Variants in VPS13A observed in about 807,000 individuals in gnomAD.
VPS13A encodes vacuolar protein sorting 13 homolog A.
A neutral mutation model predicts 390.9 loss-of-function variants in VPS13A; 264 were observed. The observed-to-expected ratio is 0.68, with a 90% confidence interval of 0.61 to 0.75. The LOEUF (loss-of-function observed/expected upper bound fraction) is 0.75, where lower values mean the gene tolerates loss of function less well. Among genes scored for constraint, VPS13A ranks in the 30% least tolerant of loss-of-function variants. VPS13A has a pLI of 0.00. For missense variants in VPS13A, 3,409 were observed against 3,733.9 expected, an observed-to-expected ratio of 0.91 and a Z score of 2.27; for synonymous variants, 1,231 against 1,227.1, an observed-to-expected ratio of 1.00 and a Z score of -0.07.
chr9:77,334,926 C>T (rs535309805), intron 46 of VPS13A, among the ~76,000 whole-genome samples: 1 of 152,170 alleles, frequency 6.6e-6, no homozygotes, highest in African/African-American at 2.4e-5. Context: ...TTTCACAGTC[C>T]AGGGTGCCAG....
intron 54 of VPS13A, 53 bp from the exon 55 acceptor site, chr9:77,356,661 T>C: frequency 6.5e-7 from 1 of 1,534,610 alleles, no homozygotes. Context: ...CCAGTTAAAA[T>C]AAATGTTAAT....
At chr9:77,412,882 AT>A (rs1587739131) in intron 71 of VPS13A, among the ~76,000 whole-genome samples, 1 of 152,230 alleles carries the variant, frequency 6.6e-6, no homozygotes, top group East Asian at 1.9e-4. Flanking sequence ...CCTTAAGCTG[AT>A]AGGCAACTTC....
chr9:77,355,731 A>G (rs1424534506), intron 54 of VPS13A, among the ~76,000 whole-genome samples: 1 of 152,176 alleles, frequency 6.6e-6, no homozygotes, highest in African/African-American at 2.4e-5. Context: ...TGCAGCCCAA[A>G]AATATTGAAA....
At chr9:77,370,030 C>T (rs1246498705) in intron 63 of VPS13A, among the ~76,000 whole-genome samples, 2 of 152,118 alleles carry the variant, frequency 1.3e-5, no homozygotes, top group Admixed American at 1.3e-4. Context: ...GGTGAGTTGC[C>T]GTACTCCTTT....
At chr9:77,261,244 A>G (rs540172145) in intron 23 of VPS13A, among the ~76,000 whole-genome samples, 1 of 152,074 alleles carries the variant, frequency 6.6e-6, no homozygotes, top group East Asian at 1.9e-4. Flanking sequence ...TATACACACT[A>G]TTCTGAATCT....
chr9:77,218,786 A>G (rs1055300150), intron 10 of VPS13A, among the ~76,000 whole-genome samples: 5 of 151,970 alleles, frequency 3.3e-5, no homozygotes, highest in Admixed American at 6.6e-5. Flanking sequence ...CTCACTGGCT[A>G]TACAAAAATA....
chr9:77,408,444 G>A (rs1438118518), intron 71 of VPS13A, among the ~76,000 whole-genome samples: 1 of 152,242 alleles, frequency 6.6e-6, no homozygotes, highest in Non-Finnish European at 1.5e-5. Context: ...GAAAGTGGGT[G>A]CAGGACAGTG....
intron 1 of VPS13A, among the ~76,000 whole-genome samples, chr9:77,178,886 A>G (rs950889845): frequency 2.0e-5 from 3 of 152,204 alleles, no homozygotes; most frequent in East Asian, 1.9e-4. Flanking sequence ...CTTCTAAAAT[A>G]CTTACCTTGA....
At chr9:77,177,954 A>T (rs1823744714) in intron 1 of VPS13A, 150 bp downstream of exon 1, 1 of 653,046 alleles carries the variant, frequency 1.5e-6, no homozygotes, top group African/African-American at 1.8e-5. Context: ...AAGTTACGTA[A>T]AGCCGGGCGG....
intron 13 of VPS13A, among the ~76,000 whole-genome samples, chr9:77,224,395 A>G (rs1435991532): frequency 6.6e-6 from 1 of 152,228 alleles, no homozygotes; most frequent in Non-Finnish European, 1.5e-5. Context: ...CCCTCTGGAA[A>G]GGATTTGCCA....
intron 22 of VPS13A, among the ~76,000 whole-genome samples, 194 bp from the exon 23 acceptor site, chr9:77,259,892 A>G (rs1284051450): frequency 2.0e-5 from 3 of 152,320 alleles, no homozygotes; most frequent in African/African-American, 7.2e-5. Context: ...AAATAAGAAC[A>G]TAAACCTCTG....
At chr9:77,184,405 G>T (rs1215457246) in intron 1 of VPS13A, among the ~76,000 whole-genome samples, 1 of 152,142 alleles carries the variant, frequency 6.6e-6, no homozygotes, top group East Asian at 1.9e-4. Context: ...GATCAGTTGA[G>T]GCCAGGAGTT....
At chr9:77,370,868 T>G in intron 65 of VPS13A, 22 bp from the exon 66 acceptor site, 1 of 1,612,322 alleles carries the variant, frequency 6.2e-7, no homozygotes. Context: ...ATTGTAAATT[T>G]TCAGTTGTGT....
intron 19 of VPS13A, among the ~76,000 whole-genome samples, chr9:77,246,260 G>T (rs1011033414): frequency 6.6e-6 from 1 of 152,068 alleles, no homozygotes. Flanking sequence ...TTTTCTTTCT[G>T]TTGGCTTGTA....
chr9:77,245,801 G>A (rs1009226727), intron 19 of VPS13A, among the ~76,000 whole-genome samples: 14 of 152,176 alleles, frequency 9.2e-5, no homozygotes, highest in Non-Finnish European at 4.4e-5. Context: ...ACTACTGGAG[G>A]CAGCGTAATT....
At position 77,412,798 on chromosome 9, in the gene VPS13A, A is replaced by G. The variant is rs372127288; in HGVS notation, c.9475-3158A>G. Among the ~76,000 whole-genome samples the G allele has an allele frequency of 1.8e-3, 276 of 150,800 alleles. 2 individuals are homozygous for G. The highest frequency in any genetic ancestry group is 6.8e-3 in the East Asian group (35 of 5,156). On this transcript the variant is annotated intron_variant, in intron 71 of 71. Coordinates refer to ENST00000360280, the MANE Select transcript of VPS13A (RefSeq NM_033305.3). ...AAAGGGTATTCAATTAGGAAAAGAG[A>G]AAGTCAAATTGTCCCTGTTTGCAGA...
rs1051129709 is a variant in VPS13A at position 77,238,525 on chromosome 9, T to G, written c.1900+139T>G. 5 of 741,354 alleles carry G rather than the reference T, an allele frequency of 6.7e-6. No homozygotes were observed. The African/African-American group carries it at 8.8e-5, about 13-fold the overall frequency. 45.9% of individuals were successfully genotyped at this position (741,354 alleles called of 1,614,324 possible). On this transcript the variant is annotated intron_variant, in intron 19 of 71. Coordinates refer to ENST00000360280, the MANE Select transcript of VPS13A (RefSeq NM_033305.3). ...GGTTTTAGTTTAACAGAAACTAATT[T>G]AGTACTTTTATGTTTAAAGGCAGAT...
At chr9:77,323,778 A>G (rs527571496) in intron 45 of VPS13A, among the ~76,000 whole-genome samples, 1 of 152,324 alleles carries the variant, frequency 6.6e-6, no homozygotes, top group South Asian at 2.1e-4. Flanking sequence ...AGGATTTTAC[A>G]TAAGTGGAAT....
At chr9:77,291,915 C>T (rs1827692589) in intron 31 of VPS13A, among the ~76,000 whole-genome samples, 1 of 152,160 alleles carries the variant, frequency 6.6e-6, no homozygotes, top group Non-Finnish European at 1.5e-5. Context: ...CCTTCCCTTC[C>T]CCAGCAGAGG....
Sources: allele counts gnomAD v4.1 joint callset (sites outside exome capture counted in the v4.1 genomes callset), GRCh38; gene constraint gnomAD v4.1.1; transcripts MANE v1.5; gene names NCBI Gene and HGNC (gene_info 2026-07-23, HGNC 2026-07-21).